Variants in ADAMTS7 observed in about 807,000 individuals in gnomAD.
The protein encoded by ADAMTS7 is ADAM metallopeptidase with thrombospondin type 1 motif 7, also known as A disintegrin and metalloproteinase with thrombospondin motifs 7.
In ADAMTS7, 89 loss-of-function variants were observed where a neutral mutation model predicts 172.6. That is an observed-to-expected ratio of 0.52 (90% CI 0.43 to 0.61). The LOEUF (loss-of-function observed/expected upper bound fraction) is 0.61, where lower values mean the gene tolerates loss of function less well. ADAMTS7 is among the 20% of genes least tolerant of loss of function. The probability of loss-of-function intolerance (pLI) is 0.00; values close to 1 mark genes in which losing one functional copy is unlikely to be tolerated. For synonymous variants in ADAMTS7, 885 were observed against 978.4 expected (o/e 0.90, Z 1.78); for missense variants, 1,973 against 2,355.6 (o/e 0.84, Z 3.36).
At chr15:78,791,597 C>T (rs1266115303) in intron 4 of ADAMTS7, among the ~76,000 whole-genome samples, 1 of 152,220 alleles carries the variant, frequency 6.6e-6, no homozygotes, top group African/African-American at 2.4e-5. Context: ...GGTTTCTTGG[C>T]CTGTCGCAGG....
In ADAMTS7 at chr15:78,811,354, CCGTT is replaced by C. The variant is rs2055864904; in HGVS notation, c.-138_-135del. On this transcript the variant is annotated 5_prime_UTR_variant, in exon 1 of 24. Transcript: ENST00000388820. ...AGCTCCCGGCGACCCGGCCCCGACT[CCGTT>C]CGGCTGCGCTCGGTCCGCGGGCAAC... 5 of 1,102,294 alleles carry C rather than the reference CCGTT, an allele frequency of 4.5e-6. No homozygotes were observed. The highest frequency in any genetic ancestry group is 5.7e-6 in the Non-Finnish European group (5 of 875,054). 68.3% of individuals were successfully genotyped at this position (1,102,294 alleles called of 1,614,324 possible).
At chr15:78,787,515 G>T (rs2055519423) in intron 8 of ADAMTS7, among the ~76,000 whole-genome samples, 2 of 151,966 alleles carry the variant, frequency 1.3e-5, no homozygotes, top group Admixed American at 6.6e-5. Flanking sequence ...AATACAAAAA[G>T]TAGCCAGCCG....
rs144808982 is a variant in ADAMTS7 at position 78,776,210 on chromosome 15, C to T, written c.1684G>A (p.Glu562Lys). Residue 562 changes from glutamate (E) to lysine (K), a missense_variant, in exon 11 of 24, where the codon GAG (glutamate) becomes AAG (lysine). Glu to Lys is a moderately conservative substitution (Grantham distance 56). This residue lies in a region of ADAMTS7 where 526 missense variants were observed against 662.9 expected (regional missense o/e 0.79). Transcript: ENST00000388820. The part of the protein sequence containing the change: ...RSCGMGVQSA[E>K]RQCTQPTPKY... ...CACGTAGGCTGCGTGCACTGCCGCTCGGCGCTCTGTACGCCCATGCCACAG... is the reference window on the plus strand; with the variant it reads ...CACGTAGGCTGCGTGCACTGCCGCTTGGCGCTCTGTACGCCCATGCCACAG... The T allele has an allele frequency of 2.3e-4, 373 of 1,611,128 alleles. No individual in the cohort carries two copies. In the African/African-American group the frequency reaches 3.3e-3, roughly 14 times the overall value.
rs1270065481 is a variant in ADAMTS7 at position 78,800,283 on chromosome 15, C to T, written c.365G>A (p.Arg122Gln). Residue 122 changes from arginine (R) to glutamine (Q), a missense_variant, in exon 2 of 24, where the codon CGG (arginine) becomes CAG (glutamine). This residue lies in a region of ADAMTS7 where 306 missense variants were observed against 288.0 expected (regional missense o/e 1.06). Transcript: ENST00000388820. The part of the protein sequence containing the change: ...RRGGLGRAHI[R>Q]AHTPACHLLG... ...CAGGTGGCAGGCCGGGGTGTGGGCC[C>T]GGATGTGCGCGCGGCCCAGGCCGCC... is the stretch of plus-strand genomic sequence containing the variant. The T allele has an allele frequency of 1.3e-6, 2 of 1,592,554 alleles. No homozygotes were observed. Among genetic ancestry groups the T allele is most frequent in the East Asian group, 2.2e-5 (1 of 44,492 alleles).
At chr15:78,799,749 C>T (rs1259383522) in intron 2 of ADAMTS7, among the ~76,000 whole-genome samples, 8 of 152,096 alleles carry the variant, frequency 5.3e-5, no homozygotes, top group Non-Finnish European at 8.8e-5. Flanking sequence ...GGGCGCTATC[C>T]CAGACCTATC....
At chr15:78,810,811 G>A (rs1228138207) in intron 1 of ADAMTS7, 2 of 262,462 alleles carry the variant, frequency 7.6e-6, no homozygotes, top group Non-Finnish European at 1.4e-5. Flanking sequence ...TCTCCCGGGA[G>A]CCAGGCGCGT....
intron 8 of ADAMTS7, among the ~76,000 whole-genome samples, chr15:78,779,575 G>T (rs2055401191): frequency 6.6e-6 from 1 of 152,180 alleles, no homozygotes; most frequent in Non-Finnish European, 1.5e-5. Context: ...TGTCCCAAGT[G>T]CTCCTGCGGC....
chr15:78,772,885 T>A (rs2055274295), intron 14 of ADAMTS7, among the ~76,000 whole-genome samples, 198 bp downstream of exon 14: 1 of 152,198 alleles, frequency 6.6e-6, no homozygotes, highest in Non-Finnish European at 1.5e-5. Context: ...ACAGGAGGAC[T>A]CCCCATGGGG....
At chr15:78,799,355 G>A (rs2055688651) in intron 2 of ADAMTS7, among the ~76,000 whole-genome samples, 1 of 132,600 alleles carries the variant, frequency 7.5e-6, no homozygotes, top group Admixed American at 7.7e-5. Flanking sequence ...GAACAGAAAG[G>A]GGCCCTACTC....
In ADAMTS7 at chr15:78,771,559, C is replaced by A. The variant is rs185805273; in HGVS notation, c.2376+26G>T. The A allele has an allele frequency of 2.6e-4, 412 of 1,579,000 alleles. No individual in the cohort carries two copies. The African/African-American group carries it at 4.6e-3, about 18-fold the overall frequency. On this transcript the variant is annotated intron_variant, in intron 15 of 23. Coordinates refer to ENST00000388820, the MANE Select transcript of ADAMTS7 (RefSeq NM_014272.5). The surrounding 1 kb of genome is among the most constrained non-coding windows in gnomAD (Gnocchi z 4.9). ...CCTGGGGACTCCGCCTCTGCTCCCC[C>A]CGCCTGGGCCACGGGAGGCAGGCAC...
Position 78,800,287 on chromosome 15 carries a change from T to A in ADAMTS7, c.361A>T (p.Ile121Phe). 1 of 1,592,902 alleles carries A rather than the reference T, an allele frequency of 6.3e-7. No individual in the cohort carries two copies. Among genetic ancestry groups the A allele is most frequent in the Non-Finnish European group, 8.5e-7 (1 of 1,175,286 alleles). Residue 121 changes from isoleucine (I) to phenylalanine (F), a missense_variant, in exon 2 of 24, where the codon ATC becomes TTC. Around this residue, in one of 8 missense-constraint regions of ADAMTS7, gnomAD observed 306 missense variants for 288.0 expected, o/e 1.06. Transcript: ENST00000388820. ...RRRGGLGRAH[I>F]RAHTPACHLL... ...TGGCAGGCCGGGGTGTGGGCCCGGA[T>A]GTGCGCGCGGCCCAGGCCGCCGCGC...
intron 1 of ADAMTS7, among the ~76,000 whole-genome samples, chr15:78,802,857 C>T (rs952952015): frequency 3.9e-5 from 6 of 151,998 alleles, no homozygotes; most frequent in Admixed American, 3.9e-4. Context: ...ATTAGCCAGG[C>T]TTGGTGGTGC....
intron 4 of ADAMTS7, among the ~76,000 whole-genome samples, chr15:78,794,628 G>A (rs1463342776): frequency 2.0e-5 from 3 of 152,268 alleles, no homozygotes; most frequent in Non-Finnish European, 4.4e-5. Context: ...CAGCCAGGAA[G>A]GGGCCAGGCC....
chr15:78,811,019 G>C, intron 1 of ADAMTS7, 102 bp downstream of exon 1: 3 of 1,161,904 alleles, frequency 2.6e-6, no homozygotes, highest in Non-Finnish European at 3.2e-6. Context: ...AGGCACAGCG[G>C]AGCCGGCGCG....
At chr15:78,796,159 T>G (rs1447741239) in intron 4 of ADAMTS7, among the ~76,000 whole-genome samples, 1 of 152,178 alleles carries the variant, frequency 6.6e-6, no homozygotes, top group African/African-American at 2.4e-5. Context: ...TGTGCTGATG[T>G]CTCAGGCAGA....
At chr15:78,762,845 A>G (rs3888916) in intron 22 of ADAMTS7, among the ~76,000 whole-genome samples, 14,573 of 152,266 alleles carry the variant, frequency 0.096, 2,325 homozygotes, top group African/African-American at 0.33. Flanking sequence ...CCCCTCACAC[A>G]GGACATGCCT....
Position 78,785,688 on chromosome 15 carries a change from A to G in ADAMTS7, c.1322+2543T>C, listed in dbSNP as rs150434027. Among the ~76,000 whole-genome samples, 338 of 152,360 alleles carry G rather than the reference A, an allele frequency of 2.2e-3. 1 individual carries two copies. Among genetic ancestry groups the G allele is most frequent in the African/African-American group, 7.7e-3 (322 of 41,586 alleles). On this transcript the variant is annotated intron_variant, in intron 8 of 23. Transcript: ENST00000388820. ...ATATGTTAACACTAAATTGGGATGA[A>G]AAGTGAGGGGACAAATGTATGTACA...
intron 11 of ADAMTS7, among the ~76,000 whole-genome samples, chr15:78,775,131 G>A (rs1339949961): frequency 1.3e-5 from 2 of 152,220 alleles, no homozygotes; most frequent in South Asian, 2.1e-4. Flanking sequence ...TTGAGAAGCT[G>A]GGACAAGCTG....
At chr15:78,785,546 CAAAA>C (rs58203887) in intron 8 of ADAMTS7, among the ~76,000 whole-genome samples, 77 of 124,632 alleles carry the variant, frequency 6.2e-4, no homozygotes, top group Middle Eastern at 3.9e-3. Flanking sequence ...GAGAGTCTCT[CAAAA>C]AAAAAAAAAA....
Sources: gnomAD v4.1 joint callset for allele counts (sites outside exome capture counted in the v4.1 genomes callset) on GRCh38, gnomAD v4.1.1 for gene constraint, gnomAD v4.1.1 regional missense constraint, Gnocchi (gnomAD v3.1) non-coding constraint, MANE v1.5 for transcripts, NCBI Gene and HGNC (gene_info 2026-07-23, HGNC 2026-07-21) for gene names.